Variants in ME3 observed in about 807,000 individuals in gnomAD.
ME3 encodes the protein malic enzyme 3, also known as NADP-dependent malic enzyme, mitochondrial.
ME3 carries 48 observed loss-of-function variants against 68.9 expected under a neutral mutation model. The observed-to-expected ratio is 0.70, with a 90% CI of 0.55 to 0.89. The LOEUF (loss-of-function observed/expected upper bound fraction) is 0.89. ME3 is among the 40% of genes least tolerant of loss of function. ME3 has a pLI of 0.00. For missense variants in ME3, 675 were observed against 797.4 expected (o/e 0.85, Z 1.85); for synonymous variants, 320 against 318.8 (o/e 1.00, Z -0.04).
chr11:86,607,452 GTTTT>G (rs146485846), intron 2 of ME3, among the ~76,000 whole-genome samples: 33,494 of 133,416 alleles, frequency 0.25, 4,102 homozygotes, highest in East Asian at 0.33. Flanking sequence ...GAGAGGCATA[GTTTT>G]TTTTTTTTTT....
At chr11:86,531,524 A>T (rs534695230) in intron 4 of ME3, among the ~76,000 whole-genome samples, 115 of 152,390 alleles carry the variant, frequency 7.5e-4, no homozygotes, top group African/African-American at 2.8e-3. Flanking sequence ...ATTATAAATC[A>T]TGCTGCTATA....
chr11:86,565,766 T>G (rs1007690241), intron 2 of ME3, among the ~76,000 whole-genome samples: 2 of 152,374 alleles, frequency 1.3e-5, no homozygotes, highest in East Asian at 3.9e-4. Context: ...CTGTGGCTTG[T>G]CTTTTCATTC....
intron 2 of ME3, among the ~76,000 whole-genome samples, chr11:86,572,197 A>G (rs576551972): frequency 2.0e-5 from 3 of 152,286 alleles, no homozygotes; most frequent in East Asian, 3.9e-4. Flanking sequence ...TGCATCCAGT[A>G]AAGCTATGAA....
chr11:86,600,186 G>C (rs1182021774), intron 2 of ME3, among the ~76,000 whole-genome samples: 3 of 152,010 alleles, frequency 2.0e-5, no homozygotes, highest in African/African-American at 2.4e-5. Context: ...AGACCCATCA[G>C]TGTGCTGTAT....
intron 2 of ME3, among the ~76,000 whole-genome samples, chr11:86,597,778 G>A (rs866378621): frequency 6.6e-6 from 1 of 151,856 alleles, no homozygotes; most frequent in Non-Finnish European, 1.5e-5. Context: ...GACCAAAGTG[G>A]TTGGGGTACA....
intron 4 of ME3, among the ~76,000 whole-genome samples, chr11:86,531,062 A>G (rs1340934197): frequency 6.6e-6 from 1 of 152,204 alleles, no homozygotes; most frequent in Non-Finnish European, 1.5e-5. Flanking sequence ...TGAACAGGCA[A>G]CCTACAGAAT....
chr11:86,650,559 T>A (rs1296969059), intron 2 of ME3, among the ~76,000 whole-genome samples: 1 of 152,188 alleles, frequency 6.6e-6, no homozygotes, highest in African/African-American at 2.4e-5. Context: ...TATCTATCCA[T>A]CTGACAAAGG....
At chr11:86,523,180 G>A (rs1165200038) in intron 4 of ME3, among the ~76,000 whole-genome samples, 1 of 152,132 alleles carries the variant, frequency 6.6e-6, no homozygotes, top group Non-Finnish European at 1.5e-5. Context: ...TATGTAAAAA[G>A]TAAGAAAGAA....
At chr11:86,450,155 T>G (rs1173511423) in intron 9 of ME3, 146 bp downstream of exon 9, 2 of 978,872 alleles carry the variant, frequency 2.0e-6, no homozygotes, top group Non-Finnish European at 3.1e-6. Context: ...CACCCAATTG[T>G]CAGAGCCTAG....
chr11:86,640,354 CTT>C (rs1944593228), intron 2 of ME3, among the ~76,000 whole-genome samples: 1 of 152,182 alleles, frequency 6.6e-6, no homozygotes, highest in Admixed American at 6.5e-5. Flanking sequence ...CAGCCTCTGA[CTT>C]TTATTTCTAT....
Position 86,646,017 on chromosome 11 carries a change from A to C in ME3, c.183+25745T>G, listed in dbSNP as rs1211760667. 4.1e-4 allele frequency among the ~76,000 whole-genome samples: 62 copies of C among 152,214 alleles called. 1 individual carries two copies. Among genetic ancestry groups the C allele is most frequent in the Admixed American group, 4.1e-3 (62 of 15,288 alleles). The stretch of plus-strand genomic sequence containing the variant: ...AAGCAATAGCATCGACATCAACAAA[A>C]AGAACGAACGCTCAAAAACCCCATC... On this transcript the variant is annotated intron_variant, in intron 2 of 14. Transcript: ENST00000543262.
intron 2 of ME3, among the ~76,000 whole-genome samples, chr11:86,652,261 T>C (rs1945495377): frequency 6.6e-6 from 1 of 152,010 alleles, no homozygotes; most frequent in South Asian, 2.1e-4. Flanking sequence ...AAGATACTCC[T>C]CGAGAAGAGC....
chr11:86,517,764 TC>T (rs1225422893), intron 4 of ME3, among the ~76,000 whole-genome samples: 1 of 152,146 alleles, frequency 6.6e-6, no homozygotes, highest in Non-Finnish European at 1.5e-5. Flanking sequence ...AGACTCATGT[TC>T]CCTGAGGGCA....
chr11:86,596,869 T>C (rs1167735048), intron 2 of ME3, among the ~76,000 whole-genome samples: 1 of 152,212 alleles, frequency 6.6e-6, no homozygotes, highest in African/African-American at 2.4e-5. Flanking sequence ...CCATTTTCCC[T>C]GTCAGAACCA....
intron 4 of ME3, among the ~76,000 whole-genome samples, chr11:86,523,377 G>A (rs1954474822): frequency 6.6e-6 from 1 of 152,188 alleles, no homozygotes; most frequent in South Asian, 2.1e-4. Context: ...GGGAAAGCAG[G>A]TAAGAAACCA....
chr11:86,555,118 C>T (rs911864032), intron 4 of ME3, among the ~76,000 whole-genome samples: 11 of 152,078 alleles, frequency 7.2e-5, no homozygotes, highest in Admixed American at 5.9e-4. Flanking sequence ...CAGGACCATA[C>T]GTGCCAAGGC....
chr11:86,562,255 C>T (rs1364090721), intron 2 of ME3, among the ~76,000 whole-genome samples: 2 of 152,142 alleles, frequency 1.3e-5, no homozygotes, highest in Admixed American at 1.3e-4. Flanking sequence ...GAATAACATT[C>T]CACTGTACAT....
intron 4 of ME3, among the ~76,000 whole-genome samples, chr11:86,533,841 G>T (rs1320634247): frequency 1.3e-5 from 2 of 151,974 alleles, no homozygotes; most frequent in East Asian, 3.8e-4. Context: ...AACCTAGATG[G>T]TATAGCCTAT....
At chr11:86,547,013 C>T (rs1441256951) in intron 4 of ME3, among the ~76,000 whole-genome samples, 1 of 151,948 alleles carries the variant, frequency 6.6e-6, no homozygotes. Flanking sequence ...CCCAGGCAGG[C>T]GGATCACAAG....
Sources: allele counts gnomAD v4.1 joint callset (sites outside exome capture counted in the v4.1 genomes callset), GRCh38; gene constraint gnomAD v4.1.1; transcripts MANE v1.5; gene names NCBI Gene and HGNC (gene_info 2026-07-23, HGNC 2026-07-21).